The following SCAF8 variants were observed in gnomAD, a reference collection of about 807,000 sequenced individuals.
The protein encoded by SCAF8 is SR-related and CTD-associated factor 8.
In SCAF8, 23 loss-of-function variants were observed where a neutral mutation model predicts 140.5. The observed-to-expected ratio is 0.16, with a 90% CI of 0.12 to 0.23. The LOEUF is 0.23. SCAF8 is among the 10% of genes least tolerant of loss of function. SCAF8 has a pLI of 1.00. For missense variants in SCAF8, 1,397 were observed against 1,555.7 expected (o/e 0.90, Z 1.72); for synonymous variants, 575 against 528.9 (o/e 1.09, Z -1.20).
chr6:154,742,111 A>G (rs1469657605), intron 1 of SCAF8: 1 of 813,398 alleles, frequency 1.2e-6, no homozygotes, highest in South Asian at 1.5e-5. Flanking sequence ...TATGGTTAGT[A>G]CTTGGGAAGC....
chr6:154,805,623 A>C (rs1332002212), intron 9 of SCAF8, 137 bp downstream of exon 9: 10 of 425,604 alleles, frequency 2.3e-5, no homozygotes. Context: ...TTTACCAGCT[A>C]CTTTATTTCT....
chr6:154,820,765 A>G (rs1253397363), intron 15 of SCAF8, among the ~76,000 whole-genome samples: 1 of 152,156 alleles, frequency 6.6e-6, no homozygotes, highest in Non-Finnish European at 1.5e-5. Flanking sequence ...ATACAATGTT[A>G]TATACTTTCT....
intron 13 of SCAF8, among the ~76,000 whole-genome samples, chr6:154,816,575 T>TATCCATCCATCC (rs201144038): frequency 3.3e-5 from 5 of 152,112 alleles, no homozygotes; most frequent in Admixed American, 6.6e-5. Context: ...GGGAGACATT[T>TATCCATCCATCC]ATCCATCCAT....
chr6:154,747,896 C>CTATGTGTG lies in SCAF8; in HGVS notation c.30+13967_30+13968insATGTGTGT, dbSNP rs3221130. On this transcript the variant is annotated intron_variant, in intron 1 of 19. Coordinates refer to ENST00000367178, the MANE Select transcript of SCAF8 (RefSeq NM_014892.5). ...CCTTCATGGAGTTTACATTTCATTT[C>CTATGTGTG]TGTGTGTGTGTGTGTGTGTGTGTGT... Among the ~76,000 whole-genome samples the CTATGTGTG allele has an allele frequency of 8.6e-3, 1,244 of 144,720 alleles. 6 individuals are homozygous for CTATGTGTG. Among genetic ancestry groups the CTATGTGTG allele is most frequent in the African/African-American group, 0.019 (752 of 39,614 alleles). 94.9% of individuals were successfully genotyped at this position (144,720 alleles called of 152,430 possible).
At chr6:154,755,668 C>G (rs1396045566) in intron 1 of SCAF8, among the ~76,000 whole-genome samples, 1 of 152,134 alleles carries the variant, frequency 6.6e-6, no homozygotes, top group Non-Finnish European at 1.5e-5. Flanking sequence ...TGAGACTTTA[C>G]ATAAGATTAT....
chr6:154,813,880 A>AG (rs1226105321), intron 12 of SCAF8, among the ~76,000 whole-genome samples: 4 of 152,220 alleles, frequency 2.6e-5, no homozygotes, highest in Admixed American at 2.0e-4. Context: ...GAGCCAAGGA[A>AG]GGCAGGCAGC....
intron 1 of SCAF8, among the ~76,000 whole-genome samples, chr6:154,765,573 A>G (rs1379019657): frequency 6.6e-6 from 1 of 152,222 alleles, no homozygotes; most frequent in African/African-American, 2.4e-5. Context: ...AGATTAGTAG[A>G]ATAAACATAT....
chr6:154,815,961 C>T, intron 13 of SCAF8, 145 bp downstream of exon 13: 1 of 491,200 alleles, frequency 2.0e-6, no homozygotes, highest in East Asian at 3.4e-5. Context: ...TTGATAATGT[C>T]TGTGTTTATT....
intron 7 of SCAF8, among the ~76,000 whole-genome samples, chr6:154,802,521 G>T (rs376989350): frequency 3.0e-4 from 46 of 152,154 alleles, no homozygotes; most frequent in Middle Eastern, 3.4e-3. Context: ...GGAGGCTGAG[G>T]AAGGAGAATT....
chr6:154,796,379 C>G (rs1190673196), intron 6 of SCAF8, among the ~76,000 whole-genome samples: 1 of 142,426 alleles, frequency 7.0e-6, no homozygotes, highest in Non-Finnish European at 1.5e-5. Context: ...CTCTCTCTCT[C>G]TCTCTCTCTC....
At chr6:154,822,184 T>G in intron 15 of SCAF8, 92 bp from the exon 16 acceptor site, 1 of 1,331,192 alleles carries the variant, frequency 7.5e-7, no homozygotes, top group Non-Finnish European at 1.0e-6. Context: ...CCAAGGTAGA[T>G]GAAGGATTTA....
At chr6:154,742,086 T>A in intron 1 of SCAF8, 1 of 1,045,488 alleles carries the variant, frequency 9.6e-7, no homozygotes, top group Non-Finnish European at 1.4e-6. Context: ...GGTAGTGGAA[T>A]AGTGTATTTG....
At chr6:154,768,699 A>C (rs932278390) in intron 1 of SCAF8, among the ~76,000 whole-genome samples, 1 of 152,224 alleles carries the variant, frequency 6.6e-6, no homozygotes, top group South Asian at 2.1e-4. Flanking sequence ...TAGGCTATGC[A>C]GTTCCTCTGC....
intron 17 of SCAF8, among the ~76,000 whole-genome samples, chr6:154,826,163 G>T (rs1778561705): frequency 6.6e-6 from 1 of 152,016 alleles, no homozygotes; most frequent in African/African-American, 2.4e-5. Context: ...AATTGATACA[G>T]ATTTTAATAA....
At chr6:154,737,346 G>C (rs772132327) in intron 1 of SCAF8, among the ~76,000 whole-genome samples, 1 of 152,136 alleles carries the variant, frequency 6.6e-6, no homozygotes, top group Non-Finnish European at 1.5e-5. Context: ...AATCAGGAAC[G>C]TTTGTCAACA....
rs1777960971 is a variant in SCAF8, at chr6:154,807,639, A to G, written c.982-431A>G. On this transcript the variant is annotated intron_variant, in intron 9 of 19. Coordinates refer to ENST00000367178, the MANE Select transcript of SCAF8 (RefSeq NM_014892.5). ...CGTGATCCACCCGCCTCAGCCTCCC[A>G]AAGTACTGGGATTACTGGCGTGAGC... is the stretch of plus-strand genomic sequence containing the variant. 2.0e-5 allele frequency among the ~76,000 whole-genome samples: 3 copies of G among 152,224 alleles called. No individual in the cohort carries two copies. The South Asian group carries it at 6.2e-4, about 32-fold the overall frequency.
At chr6:154,761,269 C>A (rs888642021) in intron 1 of SCAF8, among the ~76,000 whole-genome samples, 1 of 152,076 alleles carries the variant, frequency 6.6e-6, no homozygotes, top group Non-Finnish European at 1.5e-5. Flanking sequence ...AGCAGATCAC[C>A]TGAGGTTGGG....
intron 6 of SCAF8, among the ~76,000 whole-genome samples, chr6:154,800,180 C>A (rs1453770134): frequency 6.6e-6 from 1 of 151,422 alleles, no homozygotes; most frequent in Non-Finnish European, 1.5e-5. Flanking sequence ...GCACTTACTA[C>A]CTTCTGTTAT....
Position 154,826,018 on chromosome 6 carries a change from G to A in SCAF8, c.2072-1154G>A, listed in dbSNP as rs527289413. Among the ~76,000 whole-genome samples the A allele has an allele frequency of 3.0e-3, 449 of 152,060 alleles. 4 individuals are homozygous for A. The highest frequency in any genetic ancestry group is 0.011 in the African/African-American group (436 of 41,476). ...TTGCATATTATAAGAGAAGAAATACGGTATGTTGACTTCTGTAACTTAAGT... is the reference window on the plus strand; with the variant it reads ...TTGCATATTATAAGAGAAGAAATACAGTATGTTGACTTCTGTAACTTAAGT... On this transcript the variant is annotated intron_variant, in intron 17 of 19. Coordinates refer to ENST00000367178, the MANE Select transcript of SCAF8 (RefSeq NM_014892.5).
Sources: gnomAD v4.1 joint callset for allele counts (sites outside exome capture counted in the v4.1 genomes callset) on GRCh38, gnomAD v4.1.1 for gene constraint, MANE v1.5 for transcripts, NCBI Gene and HGNC (gene_info 2026-07-23, HGNC 2026-07-21) for gene names.